Variants in MEF2C observed in about 807,000 individuals in gnomAD.
MEF2C encodes the protein myocyte-specific enhancer factor 2C.
In MEF2C, 6 loss-of-function variants were observed where a neutral mutation model predicts 50.5. The observed-to-expected ratio is 0.12, with a 90% CI of 0.07 to 0.23. The LOEUF (loss-of-function observed/expected upper bound fraction) is 0.23. Among genes scored for constraint, MEF2C ranks in the 10% least tolerant of loss-of-function variants. The pLI is 1.00. For missense variants in MEF2C, 276 were observed against 605.0 expected (o/e 0.46, Z 5.70); for synonymous variants, 183 against 228.0 (o/e 0.80, Z 1.78).
chr5:88,880,769 T>A (rs1339277000), intron 1 of MEF2C: 1 of 151,996 alleles, frequency 6.6e-6, no homozygotes, highest in African/African-American at 2.4e-5. Context: ...CATGGAGTTA[T>A]CTAGTATTAA....
chr5:88,804,038 T>C (rs1425380160), intron 3 of MEF2C, among the ~76,000 whole-genome samples: 1 of 152,170 alleles, frequency 6.6e-6, no homozygotes, highest in East Asian at 1.9e-4. Context: ...TTGATATATA[T>C]AATGATATAA....
rs1561821810 is a variant in MEF2C, at chr5:88,751,889, A to G, written c.557T>C (p.Val186Ala). 3.7e-6 allele frequency: 6 copies of G among 1,613,984 alleles called. No homozygotes were observed. Among genetic ancestry groups the G allele is most frequent in the Non-Finnish European group, 5.1e-6 (6 of 1,179,860 alleles). Residue 186 changes from valine to alanine, a missense_variant, in exon 5 of 11, where the codon GTA becomes GCA. Physicochemically the swap from Val to Ala is moderately conservative, Grantham distance 64. Transcript: ENST00000504921. ...SLQRNSMSPG[V>A]THRPPSAGNT... ...ACCTGCACTTGGAGGTCGATGTGTT[A>G]CACCAGGAGACATACTATTCCTCTG...
chr5:88,863,775 G>A (rs570366336), intron 1 of MEF2C, among the ~76,000 whole-genome samples: 29 of 151,366 alleles, frequency 1.9e-4, no homozygotes, highest in Middle Eastern at 3.4e-3. Context: ...TTCACTTAAC[G>A]TAATGTCTTT....
upstream of MEF2C, among the ~76,000 whole-genome samples, chr5:88,886,338 A>T (rs1834048024): frequency 6.6e-6 from 1 of 152,152 alleles, no homozygotes; most frequent in Non-Finnish European, 1.5e-5. Context: ...TTTTCTTTAA[A>T]ATCATCCTGA....
chr5:88,804,810 A>G lies in MEF2C; in HGVS notation c.55-9T>C. On this transcript the variant is annotated splice_polypyrimidine_tract_variant and intron_variant, in intron 2 of 10. Coordinates refer to ENST00000504921, the MANE Select transcript of MEF2C (RefSeq NM_002397.5). The stretch of plus-strand genomic sequence containing the variant: ...CTCTTTGTAAATGTCACCTAGAAAA[A>G]AGAAAGCAGCCAAGATTTTTTAAAA... 2 of 1,610,858 alleles carry G rather than the reference A, an allele frequency of 1.2e-6. No homozygotes were observed. The highest frequency in any genetic ancestry group is 2.2e-5 in the South Asian group (2 of 90,680).
At chr5:88,793,061 G>A (rs1294791374) in intron 3 of MEF2C, among the ~76,000 whole-genome samples, 1 of 152,134 alleles carries the variant, frequency 6.6e-6, no homozygotes, top group Non-Finnish European at 1.5e-5. Context: ...TGGGAGTTTA[G>A]AATCTAGTGT....
intron 6 of MEF2C, chr5:88,735,363 A>T: frequency 1.0e-6 from 1 of 985,390 alleles, no homozygotes; most frequent in Non-Finnish European, 1.2e-6. Flanking sequence ...GCTATGTTTT[A>T]AAATTACCCT....
At chr5:88,767,955 T>C (rs536153660) in intron 3 of MEF2C, among the ~76,000 whole-genome samples, 1 of 152,324 alleles carries the variant, frequency 6.6e-6, no homozygotes, top group East Asian at 1.9e-4. Context: ...TGAGGAATAA[T>C]GGTGCAAACG....
chr5:88,816,327 T>G (rs1444889853), intron 2 of MEF2C, among the ~76,000 whole-genome samples: 3 of 152,044 alleles, frequency 2.0e-5, no homozygotes, highest in Non-Finnish European at 2.9e-5. Context: ...GTAATATGTG[T>G]GGCACACTGT....
chr5:88,877,899 T>C (rs780633890), intron 1 of MEF2C: 18 of 152,176 alleles, frequency 1.2e-4, no homozygotes, highest in Admixed American at 7.9e-4. Context: ...TAGGAGATCA[T>C]TGCAAATTAT....
intron 6 of MEF2C, chr5:88,746,770 G>T: frequency 1.2e-6 from 1 of 841,774 alleles, no homozygotes; most frequent in Non-Finnish European, 1.4e-6. Flanking sequence ...GAGTTTATGA[G>T]TAGGACATGA....
At chr5:88,751,822 C>A in intron 5 of MEF2C, 35 bp downstream of exon 5, 3 of 1,597,868 alleles carry the variant, frequency 1.9e-6, no homozygotes, top group Admixed American at 1.7e-5. Flanking sequence ...TTCCTTCCAA[C>A]TATTTGTTAG....
intron 2 of MEF2C, among the ~76,000 whole-genome samples, chr5:88,808,309 A>G (rs543525769): frequency 3.3e-5 from 5 of 152,314 alleles, no homozygotes; most frequent in African/African-American, 9.6e-5. Context: ...ACCACTTTTA[A>G]TCAGACTTCA....
intron 3 of MEF2C, among the ~76,000 whole-genome samples, chr5:88,795,947 G>T (rs927360303): frequency 6.6e-6 from 1 of 152,166 alleles, no homozygotes; most frequent in African/African-American, 2.4e-5. Flanking sequence ...TACATTTTTT[G>T]ATTGGTGCAT....
In MEF2C at chr5:88,761,965, A is replaced by G. The variant is rs1472041991; in HGVS notation, c.259-637T>C. 2.6e-5 allele frequency: 4 copies of G among 151,884 alleles called. No homozygotes were observed. The East Asian group carries it at 5.8e-4, about 22-fold the overall frequency. 9.4% of individuals were successfully genotyped at this position (151,884 alleles called of 1,614,324 possible). A position where few individuals can be genotyped will look rare whatever the true frequency, so the allele number is the denominator to read the frequency against. On this transcript the variant is annotated intron_variant, in intron 3 of 10. Transcript: ENST00000504921. ...ATATGTGAAAATCTTATCAAAATTT[A>G]TAATACTGAGAAGGTCTCTTCCTAA...
rs978995647 is a variant in MEF2C at position 88,721,554 on chromosome 5, A to G, written c.*1050T>C. Reference sequence around the variant, plus strand: ...ACAAATATACCCCCCTCCCGCTATTAAGATAACAAAACTTCTGCTATTACC... The same window carrying G: ...ACAAATATACCCCCCTCCCGCTATTGAGATAACAAAACTTCTGCTATTACC... On this transcript the variant is annotated 3_prime_UTR_variant, in exon 11 of 11. Coordinates refer to ENST00000504921, the MANE Select transcript of MEF2C (RefSeq NM_002397.5). The G allele has an allele frequency of 3.9e-5, 6 of 152,616 alleles. No homozygotes were observed. Among genetic ancestry groups the G allele is most frequent in the Non-Finnish European group, 7.4e-5 (5 of 68,022 alleles). 9.5% of individuals were successfully genotyped at this position (152,616 alleles called of 1,614,324 possible). A position where few individuals can be genotyped will look rare whatever the true frequency, so the allele number is the denominator to read the frequency against.
intron 1 of MEF2C, among the ~76,000 whole-genome samples, chr5:88,832,638 A>T (rs1581345395): frequency 6.6e-6 from 1 of 152,220 alleles, no homozygotes; most frequent in Non-Finnish European, 1.5e-5. Flanking sequence ...CTAAAGTCTA[A>T]TACCTGTATG....
intron 1 of MEF2C, among the ~76,000 whole-genome samples, chr5:88,829,209 G>C (rs904828795): frequency 3.3e-5 from 5 of 151,760 alleles, no homozygotes; most frequent in Non-Finnish European, 7.4e-5. Context: ...CTGCCACTAG[G>C]CCTTTGTGTA....
intron 3 of MEF2C, chr5:88,772,313 C>G (rs1782734943): frequency 6.6e-6 from 1 of 152,230 alleles, no homozygotes; most frequent in Non-Finnish European, 1.5e-5. Context: ...CAGTCAGGAA[C>G]TCCCAAGATA....
Sources: gnomAD v4.1 joint callset for allele counts (sites outside exome capture counted in the v4.1 genomes callset) on GRCh38, gnomAD v4.1.1 for gene constraint, MANE v1.5 for transcripts, NCBI Gene and HGNC (gene_info 2026-07-23, HGNC 2026-07-21) for gene names.